Variants in TTC24 observed in about 807,000 individuals in gnomAD.
TTC24 encodes the protein tetratricopeptide repeat protein 24.
A neutral mutation model predicts 63.3 loss-of-function variants in TTC24; 54 were observed. The ratio of observed to expected loss-of-function variants is 0.85; its 90% CI spans 0.69 to 1.07. The LOEUF is 1.07. TTC24 is among the 50% of genes least tolerant of loss of function. TTC24 has a pLI of 0.00. For synonymous variants in TTC24, 276 were observed against 304.3 expected, an observed-to-expected ratio of 0.91 and a Z score of 0.97; for missense variants, 680 against 730.5, an observed-to-expected ratio of 0.93 and a Z score of 0.80.
In TTC24 at chr1:156,581,569, G is replaced by A; in HGVS notation, c.205G>A (p.Ala69Thr). The A allele has an allele frequency of 6.4e-7, 1 of 1,551,564 alleles. No homozygotes were observed. The highest frequency in any genetic ancestry group is 8.7e-7 in the Non-Finnish European group (1 of 1,146,896). The stretch of plus-strand genomic sequence containing the variant: ...GAGGGCCTTCCTTCTGGCCTCCAAG[G>A]CCCCACAAACCAGGGATACCCCTGT... ...FQRAFLLASK[A>T]PQTRDTPVLQ... is the part of the protein sequence containing the mutation. Residue 69 changes from alanine to threonine, a missense_variant, in exon 2 of 11, where the codon GCC becomes ACC. Ala to Thr is a moderately conservative substitution (Grantham distance 58). Transcript: ENST00000368236.
Position 156,586,007 on chromosome 1 carries a change from C to T in TTC24, c.1629C>T (p.Tyr543=). The change falls in exon 10 of 11, where the codon TAC becomes TAT. Residue 543 remains tyrosine (Y), a synonymous_variant. Coordinates refer to ENST00000368236, the MANE Select transcript of TTC24 (RefSeq NM_001105669.4). ...FVGPGPPRAE[Y]PSILVPNGPQ... ...GTCCAGGCCCTCCCAGAGCGGAGTA[C>T]CCTAGCATCTTGGTACCCAATGGCC... 6.3e-7 allele frequency: 1 copy of T among 1,586,478 alleles called. No individual in the cohort carries two copies. The highest frequency in any genetic ancestry group is 8.6e-7 in the Non-Finnish European group (1 of 1,165,944).
Position 156,583,294 on chromosome 1 carries a change from G to A in TTC24, c.1040-44G>A. 1 of 1,604,204 alleles carries A rather than the reference G, an allele frequency of 6.2e-7. No individual in the cohort carries two copies. The highest frequency in any genetic ancestry group is 8.5e-7 in the Non-Finnish European group (1 of 1,175,524). ...TGCCTCTGAGGGGGTGGATCAGTGG[G>A]GTAGGAAGTCATGAAAGGACCTTCC... On this transcript the variant is annotated intron_variant, in intron 4 of 10. Coordinates refer to ENST00000368236, the MANE Select transcript of TTC24 (RefSeq NM_001105669.4). The surrounding 1 kb of genome is among the most constrained non-coding windows in gnomAD (Gnocchi z 4.0).
chr1:156,585,904 G>A (rs370172671), intron 9 of TTC24, 45 bp from the exon 10 acceptor site: 34 of 1,596,686 alleles, frequency 2.1e-5, no homozygotes, highest in Non-Finnish European at 2.7e-5. Context: ...ATAGTTCTTG[G>A]TGCAGAGAGG....
intron 7 of TTC24, 50 bp downstream of exon 7, chr1:156,585,024 T>C (rs1256502060): frequency 1.3e-6 from 2 of 1,543,578 alleles, no homozygotes; most frequent in Non-Finnish European, 8.8e-7. Flanking sequence ...CTGCAGGGTG[T>C]TGGGGGCTGT....
At chr1:156,584,042 A>G (rs1325602428) in intron 6 of TTC24, 147 bp downstream of exon 6, 3 of 666,180 alleles carry the variant, frequency 4.5e-6, no homozygotes, top group Admixed American at 2.4e-5. Context: ...CGCATGAGAT[A>G]TATCACTTTC....
In TTC24 at chr1:156,583,161, C is replaced by T. The variant is rs562036033; in HGVS notation, c.1030C>T (p.Arg344Trp). 1.1e-5 allele frequency: 18 copies of T among 1,610,406 alleles called. No individual in the cohort carries two copies. The highest frequency in any genetic ancestry group is 1.1e-4 in the East Asian group (5 of 44,760). The change falls in exon 4 of 11, where the codon CGG becomes TGG. Residue 344 changes from arginine to tryptophan, a missense_variant. Physicochemically the swap from Arg to Trp is moderately radical, Grantham distance 101. Coordinates refer to ENST00000368236, the MANE Select transcript of TTC24 (RefSeq NM_001105669.4). This position sits in a 1 kb window ranked among gnomAD's most constrained non-coding sequence, Gnocchi z 4.0. ...DNYLHALQAARDSGDMKGQWQ... is the reference protein window; with the variant it reads ...DNYLHALQAAWDSGDMKGQWQ... Reference sequence around the variant, plus strand: ...CTACCTGCATGCCCTGCAGGCTGCCCGGGACTCTGGTAAGCGTGAGAGGGT... The same window carrying T: ...CTACCTGCATGCCCTGCAGGCTGCCTGGGACTCTGGTAAGCGTGAGAGGGT...
intron 6 of TTC24, 113 bp downstream of exon 6, chr1:156,584,008 C>T: frequency 1.2e-6 from 1 of 841,684 alleles, no homozygotes; most frequent in South Asian, 1.6e-5. Flanking sequence ...GGCCGCTCAT[C>T]TGTGTTCATC....
In TTC24 at chr1:156,585,818, C is replaced by G; in HGVS notation, c.1562C>G (p.Ser521Cys). ...PCRGTVLGKA[S>C]IYSPGPRAHL... Reference sequence around the variant, plus strand: ...AGAGGGACAGTCCTCGGCAAAGCCTCCATCTATAGTGAGCAGTGCATCCCC... The same window carrying G: ...AGAGGGACAGTCCTCGGCAAAGCCTGCATCTATAGTGAGCAGTGCATCCCC... Residue 521 changes from serine to cysteine, a missense_variant, in exon 9 of 11, where the codon TCC becomes TGC. Physicochemically the swap from Ser to Cys is moderately radical, Grantham distance 112. Transcript: ENST00000368236. 1 of 1,613,030 alleles carries G rather than the reference C, an allele frequency of 6.2e-7. No individual in the cohort carries two copies. The highest frequency in any genetic ancestry group is 8.5e-7 in the Non-Finnish European group (1 of 1,178,996).
At position 156,584,640 on chromosome 1, in the gene TTC24, G is replaced by C. The variant is rs925246688; in HGVS notation, c.1252-237G>C. 2.0e-5 allele frequency: 8 copies of C among 394,246 alleles called. No individual in the cohort carries two copies. The Admixed American group carries it at 3.4e-4, about 17-fold the overall frequency. The allele number at this position is 394,246 out of a possible 1,614,324, so 24.4% of individuals were successfully genotyped here. A position where few individuals can be genotyped will look rare whatever the true frequency, so the allele number is the denominator to read the frequency against. On this transcript the variant is annotated intron_variant, in intron 6 of 10. Transcript: ENST00000368236. ...CTTTACGGTATCAGGCCCCAGAAGG[G>C]ATGGGGTGGTCATCAGGCGCTGGCC...
rs1677209342 is a variant in TTC24 at position 156,587,608 on chromosome 1, G to T, written c.*1058G>T. Among the ~76,000 whole-genome samples, 1 of 152,136 alleles carries T rather than the reference G, an allele frequency of 6.6e-6. No homozygotes were observed. Among genetic ancestry groups the T allele is most frequent in the African/African-American group, 2.4e-5 (1 of 41,426 alleles). On this transcript the variant is annotated 3_prime_UTR_variant, in exon 11 of 11. Transcript: ENST00000368236. ...CCTAGCACTTTGCGAGGCCAAGGTG[G>T]GAGGATTGCTTGAGCCCAGGAGTTT...
chr1:156,585,321 C>A, intron 8 of TTC24, 90 bp downstream of exon 8: 1 of 1,033,526 alleles, frequency 9.7e-7, no homozygotes, highest in Non-Finnish European at 1.4e-6. Flanking sequence ...GCTTCTTATG[C>A]CCATCCCACC....
chr1:156,585,988 G>T lies in TTC24; in HGVS notation c.1610G>T (p.Gly537Val), dbSNP rs1270703576. The change falls in exon 10 of 11, where the codon GGC becomes GTC. Residue 537 changes from glycine (G) to valine (V), a missense_variant. By Grantham distance (109) the Gly-to-Val change is moderately radical. Transcript: ENST00000368236. ...PRAHLPFVGP[G>V]PPRAEYPSIL... Reference sequence around the variant, plus strand: ...GCCCATCTTCCATTTGTAGGTCCAGGCCCTCCCAGAGCGGAGTACCCTAGC... The same window carrying T: ...GCCCATCTTCCATTTGTAGGTCCAGTCCCTCCCAGAGCGGAGTACCCTAGC... 6.3e-6 allele frequency: 10 copies of T among 1,593,978 alleles called. No homozygotes were observed. The highest frequency in any genetic ancestry group is 5.3e-5 in the Admixed American group (3 of 56,782).
Position 156,586,908 on chromosome 1 carries a change from A to C in TTC24, c.*358A>C. 1 of 198,462 alleles carries C rather than the reference A, an allele frequency of 5.0e-6. No individual in the cohort carries two copies. The highest frequency in any genetic ancestry group is 1.1e-4 in the South Asian group (1 of 9,224). The allele number at this position is 198,462 out of a possible 1,614,324, so 12.3% of individuals were successfully genotyped here. On this transcript the variant is annotated 3_prime_UTR_variant, in exon 11 of 11. Coordinates refer to ENST00000368236, the MANE Select transcript of TTC24 (RefSeq NM_001105669.4). ...AGTCACTGACTGTCTCCAGACGTCC[A>C]TTTTTGCACATGAGAAATGAGGATA...
In TTC24 at chr1:156,587,447, C is replaced by A. The variant is rs1677206344; in HGVS notation, c.*897C>A. On this transcript the variant is annotated 3_prime_UTR_variant, in exon 11 of 11. Transcript: ENST00000368236. ...GCAGTTCCACTTCCCCAGCTAAGCC[C>A]TTGCTTACCCAGAGTCCATTGTGAT... Among the ~76,000 whole-genome samples, 1 of 152,200 alleles carries A rather than the reference C, an allele frequency of 6.6e-6. No individual in the cohort carries two copies. The highest frequency in any genetic ancestry group is 2.4e-5 in the African/African-American group (1 of 41,440).
At position 156,582,212 on chromosome 1, in the gene TTC24, C is replaced by T; in HGVS notation, c.707-19C>T. On this transcript the variant is annotated intron_variant, in intron 2 of 10. Transcript: ENST00000368236. ...TTATATCTGGTCTGGCTACCAGTGACCCTGGCTATTCCCTCTAGGGCACCT... is the reference window on the plus strand; with the variant it reads ...TTATATCTGGTCTGGCTACCAGTGATCCTGGCTATTCCCTCTAGGGCACCT... The T allele has an allele frequency of 6.5e-7, 1 of 1,541,026 alleles. No homozygotes were observed. Among genetic ancestry groups the T allele is most frequent in the Non-Finnish European group, 8.8e-7 (1 of 1,139,590 alleles).
chr1:156,585,032 T>C, intron 7 of TTC24, 58 bp downstream of exon 7: 1 of 1,537,888 alleles, frequency 6.5e-7, no homozygotes, highest in Non-Finnish European at 8.8e-7. Flanking sequence ...TGTTGGGGGC[T>C]GTCGCAGTGG....
rs1676990637 is a variant in TTC24 at position 156,581,483 on chromosome 1, C to T, written c.119C>T (p.Thr40Ile). Reference protein sequence around the residue: ...LRQEASIQALTRAGHGALQAG... With the variant: ...LRQEASIQALIRAGHGALQAG... The stretch of plus-strand genomic sequence containing the variant: ...CAAGAAGCCAGCATCCAAGCCCTCA[C>T]CAGGGCTGGCCATGGGGCCCTTCAG... Residue 40 changes from threonine to isoleucine, a missense_variant, in exon 2 of 11, where the codon ACC becomes ATC. Thr to Ile is a moderately conservative substitution (Grantham distance 89, BLOSUM62 -1). Coordinates refer to ENST00000368236, the MANE Select transcript of TTC24 (RefSeq NM_001105669.4). 1 of 1,551,292 alleles carries T rather than the reference C, an allele frequency of 6.4e-7. No individual in the cohort carries two copies. Among genetic ancestry groups the T allele is most frequent in the Admixed American group, 2.0e-5 (1 of 50,944 alleles).
intron 6 of TTC24, chr1:156,584,477 C>T (rs1055956216): frequency 5.6e-6 from 1 of 177,052 alleles, no homozygotes; most frequent in Admixed American, 6.2e-5. Flanking sequence ...TATGCCCTTG[C>T]ATTTTAAAGA....
intron 3 of TTC24, 150 bp downstream of exon 3, chr1:156,582,584 G>C: frequency 1.4e-6 from 1 of 736,358 alleles, no homozygotes; most frequent in Non-Finnish European, 2.2e-6. Context: ...GGAAGTGCAG[G>C]AGATGGGACA....
Sources: gnomAD v4.1 joint callset for allele counts (sites outside exome capture counted in the v4.1 genomes callset) on GRCh38, gnomAD v4.1.1 for gene constraint, Gnocchi (gnomAD v3.1) non-coding constraint, MANE v1.5 for transcripts, NCBI Gene and HGNC (gene_info 2026-07-23, HGNC 2026-07-21) for gene names.